KIAA0513: variants seen among roughly 807,000 people sequenced by gnomAD.
KIAA0513 encodes the protein KIAA0513.
In KIAA0513, 39 loss-of-function variants were observed where a neutral mutation model predicts 56.5. The observed-to-expected ratio is 0.69, with a 90% CI of 0.53 to 0.90. The LOEUF (loss-of-function observed/expected upper bound fraction) is 0.90, where lower values mean the gene tolerates loss of function less well. Among genes scored for constraint, KIAA0513 ranks in the 40% least tolerant of loss-of-function variants. KIAA0513 has a pLI of 0.00. For missense variants in KIAA0513, 591 were observed against 535.2 expected, an observed-to-expected ratio of 1.10 and a Z score of -1.03; for synonymous variants, 268 against 215.6, an observed-to-expected ratio of 1.24 and a Z score of -2.13.
intron 1 of KIAA0513, among the ~76,000 whole-genome samples, chr16:85,028,386 G>C (rs180675434): frequency 6.6e-6 from 1 of 152,304 alleles, no homozygotes; most frequent in East Asian, 1.9e-4. Flanking sequence ...GGCTTAGCAG[G>C]GTGGGGGTGA....
At chr16:85,074,191 T>C (rs1035236942) in intron 4 of KIAA0513, among the ~76,000 whole-genome samples, 7 of 151,982 alleles carry the variant, frequency 4.6e-5, no homozygotes, top group Admixed American at 4.6e-4. Flanking sequence ...GCCAGGCTGG[T>C]CTCGAACTCC....
intron 4 of KIAA0513, among the ~76,000 whole-genome samples, chr16:85,074,339 CACATACACACACACACACACACACAT>C (rs2073624816): frequency 1.5e-5 from 2 of 129,530 alleles, no homozygotes; most frequent in Non-Finnish European, 3.3e-5. Context: ...TATATATACA[CACATACACACACACACACACACACAT>C]ATATATTTAG....
chr16:85,077,859 A>G (rs545048136), intron 6 of KIAA0513, among the ~76,000 whole-genome samples: 1 of 152,264 alleles, frequency 6.6e-6, no homozygotes, highest in South Asian at 2.1e-4. Context: ...GGGACTGATG[A>G]GGAGCCCAAG....
chr16:85,078,823 A>T, intron 7 of KIAA0513, 102 bp from the exon 8 acceptor site: 1 of 1,256,550 alleles, frequency 8.0e-7, no homozygotes, highest in Non-Finnish European at 1.2e-6. Flanking sequence ...TGTTTCAGTG[A>T]CATTCGGGGA....
At chr16:85,070,082 G>A (rs2073549715) in intron 2 of KIAA0513, among the ~76,000 whole-genome samples, 1 of 151,136 alleles carries the variant, frequency 6.6e-6, no homozygotes, top group African/African-American at 2.4e-5. Context: ...GAGGTTGGGG[G>A]ATCAATTGAG....
chr16:85,080,736 T>C (rs1473026545), intron 8 of KIAA0513, among the ~76,000 whole-genome samples: 1 of 152,202 alleles, frequency 6.6e-6, no homozygotes, highest in Admixed American at 6.5e-5. Flanking sequence ...GAGGTTGCAG[T>C]GAGCCGAGAT....
chr16:85,071,871 G>C lies in KIAA0513; in HGVS notation c.418G>C (p.Val140Leu). The change falls in exon 3 of 13, where the codon GTG becomes CTG. Residue 140 changes from valine to leucine, a missense_variant. Physicochemically the swap from Val to Leu is conservative, Grantham distance 32 (BLOSUM62 1). Coordinates refer to ENST00000683363, the MANE Select transcript of KIAA0513 (RefSeq NM_001388359.1). Reference protein sequence around the residue: ...GKGREWFARYVSAQRCNSKCV... With the variant: ...GKGREWFARYLSAQRCNSKCV... Reference sequence around the variant, plus strand: ...AGGCCGGGAGTGGTTTGCTCGATACGTGAGTGCCCAGGTAAGGGCGAGGTG... The same window carrying C: ...AGGCCGGGAGTGGTTTGCTCGATACCTGAGTGCCCAGGTAAGGGCGAGGTG... 1 of 1,609,694 alleles carries C rather than the reference G, an allele frequency of 6.2e-7. No individual in the cohort carries two copies. The highest frequency in any genetic ancestry group is 8.5e-7 in the Non-Finnish European group (1 of 1,176,860).
intron 1 of KIAA0513, among the ~76,000 whole-genome samples, chr16:85,059,891 C>T (rs2073379928): frequency 6.6e-6 from 1 of 152,172 alleles, no homozygotes; most frequent in Non-Finnish European, 1.5e-5. Flanking sequence ...AGCAATTCTC[C>T]TTCACATTTT....
chr16:85,075,919 G>C lies in KIAA0513; in HGVS notation c.574+5G>C. ...GCTTCACCTACTACCACATCGGTAA[G>C]ACATGGGTGGGCTGATGTGGGGCTC... On this transcript the variant is annotated splice_donor_5th_base_variant and intron_variant, in intron 5 of 12. Transcript: ENST00000683363. The C allele has an allele frequency of 6.2e-7, 1 of 1,609,810 alleles. No homozygotes were observed. The highest frequency in any genetic ancestry group is 8.5e-7 in the Non-Finnish European group (1 of 1,176,074).
chr16:85,044,193 G>T lies in KIAA0513; in HGVS notation c.-173+16335G>T, dbSNP rs543027074. On this transcript the variant is annotated intron_variant, in intron 1 of 12. Coordinates refer to ENST00000683363, the MANE Select transcript of KIAA0513 (RefSeq NM_001388359.1). Reference sequence around the variant, plus strand: ...ACTCATTAAGTTCTCTGTGGCTTGGGCCCTTGTCCCATCAACAGTGAAGAC... The same window carrying T: ...ACTCATTAAGTTCTCTGTGGCTTGGTCCCTTGTCCCATCAACAGTGAAGAC... Among the ~76,000 whole-genome samples, 4 of 152,282 alleles carry T rather than the reference G, an allele frequency of 2.6e-5. No homozygotes were observed. The South Asian group carries it at 8.3e-4, about 32-fold the overall frequency.
chr16:85,066,213 G>T (rs1019956512), intron 1 of KIAA0513, among the ~76,000 whole-genome samples: 1 of 152,184 alleles, frequency 6.6e-6, no homozygotes, highest in Non-Finnish European at 1.5e-5. Context: ...AGAGGCTTGA[G>T]GGGTGAATAG....
intron 10 of KIAA0513, among the ~76,000 whole-genome samples, chr16:85,085,072 G>C (rs1227888735): frequency 6.6e-6 from 1 of 152,252 alleles, no homozygotes; most frequent in Non-Finnish European, 1.5e-5. Context: ...TTCCCGTGTG[G>C]TCTGGGGTTG....
At chr16:85,041,409 T>C (rs2143867530) in intron 1 of KIAA0513, among the ~76,000 whole-genome samples, 1 of 152,320 alleles carries the variant, frequency 6.6e-6, no homozygotes, top group East Asian at 1.9e-4. Flanking sequence ...CCTGGGCTCC[T>C]ACTGGCATCT....
intron 1 of KIAA0513, among the ~76,000 whole-genome samples, chr16:85,033,296 A>G (rs1441471391): frequency 6.6e-6 from 1 of 152,068 alleles, no homozygotes; most frequent in East Asian, 1.9e-4. Flanking sequence ...TACCCCTCCC[A>G]GCAGGGACGC....
chr16:85,068,741 A>G (rs1297922216), intron 2 of KIAA0513, among the ~76,000 whole-genome samples: 1 of 152,206 alleles, frequency 6.6e-6, no homozygotes, highest in Non-Finnish European at 1.5e-5. Context: ...TGCTGGGATT[A>G]CAGGCGTGGG....
chr16:85,076,305 G>A lies in KIAA0513; in HGVS notation c.574+391G>A, dbSNP rs147250135. Reference sequence around the variant, plus strand: ...ACACAGTTGGTTGTTGGAGGGTGGTGGGGAGGAGCAGCGTAGGATCTGAAG... The same window carrying A: ...ACACAGTTGGTTGTTGGAGGGTGGTAGGGAGGAGCAGCGTAGGATCTGAAG... On this transcript the variant is annotated intron_variant, in intron 5 of 12. Transcript: ENST00000683363. The surrounding 1 kb of genome is among the most constrained non-coding windows in gnomAD (Gnocchi z 4.7). 1.3e-5 allele frequency among the ~76,000 whole-genome samples: 2 copies of A among 152,302 alleles called. No homozygotes were observed. The highest frequency in any genetic ancestry group is 2.9e-5 in the Non-Finnish European group (2 of 68,012).
Position 85,088,167 on chromosome 16 carries a change from C to T in KIAA0513, c.1187-109C>T, listed in dbSNP as rs2073831002. 1.4e-5 allele frequency: 14 copies of T among 967,528 alleles called. No individual in the cohort carries two copies. In the South Asian group the frequency reaches 2.0e-4, roughly 14 times the overall value. 59.9% of individuals were successfully genotyped at this position (967,528 alleles called of 1,614,324 possible). A position where few individuals can be genotyped will look rare whatever the true frequency, so the allele number is the denominator to read the frequency against. On this transcript the variant is annotated intron_variant, in intron 12 of 12. Coordinates refer to ENST00000683363, the MANE Select transcript of KIAA0513 (RefSeq NM_001388359.1). ...AGGCAGTGTGGTTCAGGAGCTGCAG[C>T]CCTGCTCCCAGGGAGGCCCGATTCG...
chr16:85,094,174 T>C lies in KIAA0513; in HGVS notation c.*5849T>C, dbSNP rs895746394. 2 of 152,062 alleles carry C rather than the reference T, an allele frequency of 1.3e-5. No homozygotes were observed. The highest frequency in any genetic ancestry group is 6.5e-5 in the Admixed American group (1 of 15,272). 9.4% of individuals were successfully genotyped at this position (152,062 alleles called of 1,614,324 possible). A position where few individuals can be genotyped will look rare whatever the true frequency, so the allele number is the denominator to read the frequency against. On this transcript the variant is annotated 3_prime_UTR_variant, in exon 13 of 13. Transcript: ENST00000683363. Reference sequence around the variant, plus strand: ...CTGTGAAGAAAAACATGTGTATATATTGCACCTTGAGTTGTCAGAAGGTAG... The same window carrying C: ...CTGTGAAGAAAAACATGTGTATATACTGCACCTTGAGTTGTCAGAAGGTAG...
chr16:85,048,295 C>T (rs1442670352), intron 1 of KIAA0513, among the ~76,000 whole-genome samples: 2 of 152,180 alleles, frequency 1.3e-5, no homozygotes, highest in African/African-American at 2.4e-5. Flanking sequence ...CGACCGTCAG[C>T]ACGCGAGCCT....
Sources: allele counts gnomAD v4.1 joint callset (sites outside exome capture counted in the v4.1 genomes callset), GRCh38; gene constraint gnomAD v4.1.1; non-coding constraint Gnocchi (gnomAD v3.1); transcripts MANE v1.5; gene names NCBI Gene and HGNC (gene_info 2026-07-23, HGNC 2026-07-21).